MARCHF1: variants seen among roughly 807,000 people sequenced by gnomAD.
MARCHF1 encodes E3 ubiquitin-protein ligase MARCHF1.
A neutral mutation model predicts 54.2 loss-of-function variants in MARCHF1; 40 were observed. The observed-to-expected ratio is 0.74, with a 90% confidence interval of 0.57 to 0.96. MARCHF1 has a LOEUF of 0.96. MARCHF1 is among the 40% of genes least tolerant of loss of function. The probability of loss-of-function intolerance (pLI) is 0.00; values close to 1 mark genes in which losing one functional copy is unlikely to be tolerated. For synonymous variants in MARCHF1, 236 were observed against 236.3 expected (o/e 1.00, Z 0.01); for missense variants, 586 against 656.5 (o/e 0.89, Z 1.17).
intron 8 of MARCHF1, among the ~76,000 whole-genome samples, chr4:163,573,299 T>G (rs1158799248): frequency 2.0e-5 from 1 of 49,216 alleles, no homozygotes; most frequent in African/African-American, 1.7e-4. Context: ...TTTTCTCTTA[T>G]TATTATTATT....
At chr4:164,249,930 A>G (rs892958893) in intron 1 of MARCHF1, among the ~76,000 whole-genome samples, 3 of 152,140 alleles carry the variant, frequency 2.0e-5, no homozygotes, top group Non-Finnish European at 4.4e-5. Context: ...GAAGAGTTGG[A>G]AGAGCAAACA....
chr4:163,695,908 A>T (rs1017930196), intron 5 of MARCHF1, among the ~76,000 whole-genome samples: 2 of 152,098 alleles, frequency 1.3e-5, no homozygotes, highest in Non-Finnish European at 2.9e-5. Context: ...AAAAGCAGTA[A>T]CAAGCACTAA....
chr4:164,313,322 C>T (rs1447165432), intron 1 of MARCHF1, among the ~76,000 whole-genome samples: 1 of 141,376 alleles, frequency 7.1e-6, no homozygotes, highest in East Asian at 2.3e-4. Context: ...GCACTCCAGC[C>T]TGGGTGGCAG....
intron 1 of MARCHF1, among the ~76,000 whole-genome samples, chr4:164,146,207 T>C (rs1205381713): frequency 3.4e-5 from 5 of 146,270 alleles, no homozygotes; most frequent in Admixed American, 6.9e-5. Context: ...TCCATGCTCA[T>C]GGGTAGGAAG....
At chr4:164,260,732 C>G (rs1733438375) in intron 1 of MARCHF1, among the ~76,000 whole-genome samples, 1 of 152,190 alleles carries the variant, frequency 6.6e-6, no homozygotes, top group Admixed American at 6.5e-5. Flanking sequence ...AATTGTATAA[C>G]AGTATATGCA....
At chr4:164,106,710 T>A (rs1434701089) in intron 2 of MARCHF1, among the ~76,000 whole-genome samples, 2 of 146,004 alleles carry the variant, frequency 1.4e-5, no homozygotes, top group Non-Finnish European at 3.0e-5. Flanking sequence ...GGCACATGTA[T>A]ACATATGTAA....
intron 4 of MARCHF1, among the ~76,000 whole-genome samples, chr4:163,717,242 C>T (rs13124062): frequency 3.4e-5 from 5 of 146,920 alleles, no homozygotes; most frequent in East Asian, 2.0e-4. Flanking sequence ...TGAGAACATG[C>T]GGTGTTTGGT....
Position 164,292,527 on chromosome 4 carries a change from G to A in MARCHF1, c.-323+91343C>T, listed in dbSNP as rs144668794. ...ATGTAAAAATCATATTCCCCCTTCC[G>A]TGGTTTTCACATGGTTTGTTTACAG... On this transcript the variant is annotated intron_variant, in intron 1 of 9. Transcript: ENST00000514618. Among the ~76,000 whole-genome samples the A allele has an allele frequency of 2.3e-3, 350 of 152,066 alleles. 1 individual carries two copies. The highest frequency in any genetic ancestry group is 4.2e-3 in the Non-Finnish European group (285 of 67,970).
chr4:163,638,740 A>G (rs1254027214), intron 5 of MARCHF1, among the ~76,000 whole-genome samples: 2 of 152,186 alleles, frequency 1.3e-5, no homozygotes, highest in Non-Finnish European at 2.9e-5. Context: ...GTCATTCGCA[A>G]TAGCCAAAAG....
intron 5 of MARCHF1, among the ~76,000 whole-genome samples, chr4:163,641,271 G>C (rs941964644): frequency 2.0e-5 from 3 of 151,992 alleles, no homozygotes; most frequent in African/African-American, 7.2e-5. Context: ...GTTTAATTTT[G>C]ATTGACAACG....
chr4:164,110,234 C>T (rs1225779105), intron 2 of MARCHF1, among the ~76,000 whole-genome samples: 1 of 150,974 alleles, frequency 6.6e-6, no homozygotes, highest in Non-Finnish European at 1.5e-5. Flanking sequence ...GGGAAAAACT[C>T]GATTATTTCC....
chr4:164,337,757 A>C (rs1729793066), intron 1 of MARCHF1, among the ~76,000 whole-genome samples: 1 of 152,208 alleles, frequency 6.6e-6, no homozygotes, highest in Non-Finnish European at 1.5e-5. Context: ...GACCACATGC[A>C]GCCAGCTGGC....
chr4:163,673,395 C>T (rs1743801289), intron 5 of MARCHF1, among the ~76,000 whole-genome samples: 2 of 152,118 alleles, frequency 1.3e-5, no homozygotes, highest in Non-Finnish European at 2.9e-5. Flanking sequence ...TTTTAATCAG[C>T]TTAACACTAG....
chr4:164,111,532 C>A (rs1264938171), intron 2 of MARCHF1, 56 bp downstream of exon 2: 1 of 151,688 alleles, frequency 6.6e-6, no homozygotes, highest in Non-Finnish European at 1.5e-5. Context: ...AAGGGATTTT[C>A]TGCCATGGAA....
chr4:164,205,634 TTC>T (rs758949384), intron 1 of MARCHF1, among the ~76,000 whole-genome samples: 137 of 152,310 alleles, frequency 9.0e-4, no homozygotes, highest in African/African-American at 3.1e-3. Flanking sequence ...AAGATGTAAT[TTC>T]TGTTTGTTTT....
chr4:164,224,144 G>A (rs949609290), intron 1 of MARCHF1, among the ~76,000 whole-genome samples: 4 of 150,978 alleles, frequency 2.6e-5, no homozygotes, highest in Admixed American at 6.6e-5. Flanking sequence ...ACACAAATTC[G>A]TATTAGGCCG....
Position 164,009,880 on chromosome 4 carries a change from A to G in MARCHF1, c.-247-21171T>C, listed in dbSNP as rs1189804808. 2.6e-5 allele frequency among the ~76,000 whole-genome samples: 4 copies of G among 152,248 alleles called. No homozygotes were observed. The South Asian group carries it at 8.3e-4, about 32-fold the overall frequency. ...TGAAAGACTTCCTTTTAAGGTTTGG[A>G]AAAATACAAGGATGCCTACCTTTAC... On this transcript the variant is annotated intron_variant, in intron 2 of 9. Coordinates refer to ENST00000514618, the MANE Select transcript of MARCHF1 (RefSeq NM_001394959.1).
chr4:164,063,338 C>A (rs1754661084), intron 2 of MARCHF1, among the ~76,000 whole-genome samples: 1 of 152,198 alleles, frequency 6.6e-6, no homozygotes, highest in African/African-American at 2.4e-5. Flanking sequence ...CATTAAATAT[C>A]TGTTGTTTAG....
chr4:163,841,812 T>C (rs993815301), intron 4 of MARCHF1, among the ~76,000 whole-genome samples: 1 of 152,150 alleles, frequency 6.6e-6, no homozygotes, highest in Non-Finnish European at 1.5e-5. Context: ...TCATTTTTTA[T>C]CTTTAAAGAA....
Sources: allele counts gnomAD v4.1 joint callset (sites outside exome capture counted in the v4.1 genomes callset), GRCh38; gene constraint gnomAD v4.1.1; transcripts MANE v1.5; gene names NCBI Gene and HGNC (gene_info 2026-07-23, HGNC 2026-07-21).